The following RELL1 variants were observed in gnomAD, a reference collection of about 807,000 sequenced individuals.
The protein encoded by RELL1 is RELT-like protein 1.
RELL1 carries 10 observed loss-of-function variants against 23.0 expected under a neutral mutation model. That is an observed-to-expected ratio of 0.43 (90% CI 0.27 to 0.74). The LOEUF (loss-of-function observed/expected upper bound fraction) is 0.74. Ranked by LOEUF, RELL1 falls within the 30% of genes least tolerant of loss-of-function variation. RELL1 has a pLI of 0.19. For missense variants in RELL1, 315 were observed against 364.4 expected (o/e 0.86, Z 1.10); for synonymous variants, 146 against 146.8 (o/e 0.99, Z 0.04).
chr4:37,604,900 G>GACACACACACATACACACAGACACAC (rs1719141272), intron 6 of RELL1, among the ~76,000 whole-genome samples: 1 of 65,614 alleles, frequency 1.5e-5, no homozygotes, highest in African/African-American at 8.2e-5. Context: ...CACACACACA[G>GACACACACACATACACACAGACACAC]ACACACACAC....
intron 6 of RELL1, among the ~76,000 whole-genome samples, chr4:37,631,108 A>G (rs1720113962): frequency 6.6e-6 from 1 of 152,130 alleles, no homozygotes; most frequent in African/African-American, 2.4e-5. Context: ...GTTTGCCACA[A>G]TCCCCACCAT....
chr4:37,681,996 A>C (rs921092782), intron 1 of RELL1, among the ~76,000 whole-genome samples: 2 of 152,228 alleles, frequency 1.3e-5, no homozygotes, highest in Non-Finnish European at 2.9e-5. Context: ...TGGACTTCAA[A>C]ATCAAACAGA....
chr4:37,671,512 A>G (rs933734436), intron 1 of RELL1, among the ~76,000 whole-genome samples: 4 of 152,210 alleles, frequency 2.6e-5, no homozygotes, highest in African/African-American at 9.7e-5. Context: ...ACTATAATAC[A>G]TTGGCATGCT....
intron 1 of RELL1, among the ~76,000 whole-genome samples, chr4:37,671,990 TG>T (rs1560358963): frequency 1.3e-5 from 2 of 152,132 alleles, no homozygotes; most frequent in Non-Finnish European, 2.9e-5. Context: ...AAGGTATGGT[TG>T]GGGAGCAGGC....
At chr4:37,665,238 A>G (rs889964464) in intron 1 of RELL1, 2 of 456,204 alleles carry the variant, frequency 4.4e-6, no homozygotes, top group Non-Finnish European at 8.8e-6. Flanking sequence ...TTTTACAAAC[A>G]TAAATAAGTA....
At chr4:37,594,359 T>C (rs1718753239) in intron 6 of RELL1, among the ~76,000 whole-genome samples, 1 of 152,186 alleles carries the variant, frequency 6.6e-6, no homozygotes, top group African/African-American at 2.4e-5. Flanking sequence ...TTTTCAAACA[T>C]TGTGGACAAT....
At chr4:37,673,472 G>A (rs868553542) in intron 1 of RELL1, among the ~76,000 whole-genome samples, 2 of 152,076 alleles carry the variant, frequency 1.3e-5, no homozygotes, top group East Asian at 1.9e-4. Flanking sequence ...GATTACAGGC[G>A]TGAGCCACCA....
intron 6 of RELL1, among the ~76,000 whole-genome samples, chr4:37,599,971 A>G (rs1215908169): frequency 3.3e-5 from 5 of 152,150 alleles, no homozygotes; most frequent in South Asian, 2.1e-4. Flanking sequence ...TAAACAATAA[A>G]TGTTAGATGT....
Position 37,598,829 on chromosome 4 carries a change from C to T in RELL1, c.*4-7612G>A, listed in dbSNP as rs1018321784. Among the ~76,000 whole-genome samples the T allele has an allele frequency of 3.3e-5, 5 of 152,162 alleles. No individual in the cohort carries two copies. In the East Asian group the frequency reaches 5.8e-4, roughly 18 times the overall value. ...CCTCCCGAGTAGCTGGGATTACAAG[C>T]GTGCACCACCATGCCCAGCTAGTTT... On this transcript the variant is annotated intron_variant, in intron 6 of 6. Transcript: ENST00000314117.
intron 3 of RELL1, among the ~76,000 whole-genome samples, chr4:37,639,567 C>A (rs929322126): frequency 3.3e-5 from 5 of 151,744 alleles, no homozygotes; most frequent in Non-Finnish European, 5.9e-5. Context: ...CCAACCCACA[C>A]CCACATCCAC....
chr4:37,669,698 T>C (rs1721754539), intron 1 of RELL1, among the ~76,000 whole-genome samples: 1 of 152,246 alleles, frequency 6.6e-6, no homozygotes, highest in Non-Finnish European at 1.5e-5. Context: ...AGAAAAATTC[T>C]TCTACCTTGG....
intron 3 of RELL1, among the ~76,000 whole-genome samples, chr4:37,644,193 A>G (rs1048600140): frequency 6.6e-6 from 1 of 152,078 alleles, no homozygotes; most frequent in African/African-American, 2.4e-5. Flanking sequence ...AGAAAAAGAA[A>G]AAAAAACCAA....
intron 6 of RELL1, among the ~76,000 whole-genome samples, chr4:37,630,365 T>TG (rs1448960640): frequency 1.7e-5 from 2 of 114,720 alleles, no homozygotes; most frequent in African/African-American, 3.0e-5. Flanking sequence ...GGTTTTTTTT[T>TG]TTTTTTTTTT....
At chr4:37,647,286 A>G (rs1008442008) in intron 3 of RELL1, 82 bp downstream of exon 3, 8 of 895,686 alleles carry the variant, frequency 8.9e-6, no homozygotes, top group African/African-American at 8.2e-5. Context: ...AAGAGAGTCT[A>G]TATAAATCTT....
At chr4:37,628,596 C>T (rs1043990981) in intron 6 of RELL1, among the ~76,000 whole-genome samples, 3 of 152,146 alleles carry the variant, frequency 2.0e-5, no homozygotes, top group East Asian at 1.9e-4. Flanking sequence ...TCGGAAAACA[C>T]GTCACCCTTT....
At chr4:37,669,197 C>T (rs1192665447) in intron 1 of RELL1, among the ~76,000 whole-genome samples, 1 of 135,422 alleles carries the variant, frequency 7.4e-6, no homozygotes, top group East Asian at 2.2e-4. Flanking sequence ...GGGGGGTCAG[C>T]CCCCTGCCTG....
intron 1 of RELL1, among the ~76,000 whole-genome samples, chr4:37,658,648 A>C (rs1721210487): frequency 6.6e-6 from 1 of 152,242 alleles, no homozygotes; most frequent in Non-Finnish European, 1.5e-5. Context: ...TGTTACTCTC[A>C]GTGTCTGCAT....
intron 6 of RELL1, among the ~76,000 whole-genome samples, chr4:37,627,348 C>A (rs1192366138): frequency 6.6e-6 from 1 of 152,206 alleles, no homozygotes; most frequent in Non-Finnish European, 1.5e-5. Flanking sequence ...GAAGACAAGG[C>A]AGTGGCATTT....
At chr4:37,650,107 A>C (rs1720860123) in intron 1 of RELL1, among the ~76,000 whole-genome samples, 1 of 152,228 alleles carries the variant, frequency 6.6e-6, no homozygotes, top group Non-Finnish European at 1.5e-5. Context: ...GTAAACTAGC[A>C]AGCAACATAG....
Sources: gnomAD v4.1 joint callset for allele counts (sites outside exome capture counted in the v4.1 genomes callset) on GRCh38, gnomAD v4.1.1 for gene constraint, MANE v1.5 for transcripts, NCBI Gene and HGNC (gene_info 2026-07-23, HGNC 2026-07-21) for gene names.